SIGLEC15: variants seen among roughly 807,000 people sequenced by gnomAD.
SIGLEC15 encodes sialic acid-binding Ig-like lectin 15.
Under a neutral mutation model 26.2 loss-of-function variants are expected in SIGLEC15, and 31 were observed. That is an observed-to-expected ratio of 1.18 (90% confidence interval 0.89 to 1.60). The LOEUF is 1.60. SIGLEC15 is among the 40% of genes most tolerant of loss of function. The pLI is 0.00. For missense variants in SIGLEC15, 501 were observed against 488.4 expected (o/e 1.03, Z -0.24); for synonymous variants, 207 against 221.9 (o/e 0.93, Z 0.60).
intron 1 of SIGLEC15, among the ~76,000 whole-genome samples, chr18:45,831,560 C>T (rs1053784031): frequency 6.6e-6 from 1 of 152,160 alleles, no homozygotes; most frequent in African/African-American, 2.4e-5. Context: ...CAACTGTATC[C>T]CCAGCACCCA....
Position 45,837,875 on chromosome 18 carries a change from G to C in SIGLEC15, c.475G>C (p.Gly159Arg). The change falls in exon 3 of 6, where the codon GGC becomes CGC. Residue 159 changes from glycine to arginine, a missense_variant. Physicochemically the swap from Gly to Arg is moderately radical, Grantham distance 125. Transcript: ENST00000389474. ...CCATGACCGCTACGAGAGCCGCCAC[G>C]GCGTCCGGCTGCACGTGACAGGCGA... ...DVHDRYESRH[G>R]VRLHVTAAPR... is the part of the protein sequence containing the mutation. The C allele has an allele frequency of 6.5e-7, 1 of 1,530,370 alleles. No homozygotes were observed. Among genetic ancestry groups the C allele is most frequent in the Non-Finnish European group, 8.7e-7 (1 of 1,149,772 alleles). 94.8% of individuals were successfully genotyped at this position (1,530,370 alleles called of 1,614,324 possible).
chr18:45,839,201 T>A, intron 4 of SIGLEC15, 106 bp downstream of exon 4: 1 of 1,314,248 alleles, frequency 7.6e-7, no homozygotes, highest in Non-Finnish European at 9.7e-7. Flanking sequence ...AATGTCGGTT[T>A]TTTTGCCCTA....
intron 1 of SIGLEC15, 65 bp downstream of exon 1, chr18:45,825,845 T>G: frequency 6.3e-7 from 1 of 1,589,376 alleles, no homozygotes; most frequent in South Asian, 1.1e-5. Context: ...GCATCTTAGG[T>G]ACAGTCTCCC....
rs762148417 is a variant in SIGLEC15, at chr18:45,837,060, G to A, written c.84G>A (p.Thr28=). 48 of 1,572,898 alleles carry A rather than the reference G, an allele frequency of 3.1e-5. No individual in the cohort carries two copies. The highest frequency in any genetic ancestry group is 3.5e-5 in the Non-Finnish European group (40 of 1,143,008). ...TTGTGAGAACTAAAATAGATACTAC[G>A]GAGAACTTGCTCAACACAGAGGTGC... ...GSFVRTKIDT[T]ENLLNTEVHS... The change falls in exon 2 of 6, where the codon ACG becomes ACA. Residue 28 remains threonine (T), a synonymous_variant. Transcript: ENST00000389474.
chr18:45,825,809 T>A, intron 1 of SIGLEC15, 29 bp downstream of exon 1: 1 of 1,613,598 alleles, frequency 6.2e-7, no homozygotes, highest in Non-Finnish European at 8.5e-7. Flanking sequence ...CTCTGGCCCA[T>A]GCTCGGGACA....
Position 45,837,648 on chromosome 18 carries a change from C to T in SIGLEC15, c.248C>T (p.Ala83Val). ...GGGCCGCTGACGGCCATCTGGCGCG[C>T]GGGCGAGCCCTATGCGGGCCCGCAG... ...YDGPLTAIWR[A>V]GEPYAGPQVF... The change falls in exon 3 of 6, where the codon GCG becomes GTG. Residue 83 changes from alanine (A) to valine (V), a missense_variant. Transcript: ENST00000389474. 1 of 1,505,354 alleles carries T rather than the reference C, an allele frequency of 6.6e-7. No homozygotes were observed. The highest frequency in any genetic ancestry group is 1.4e-5 in the African/African-American group (1 of 69,180). 93.2% of individuals were successfully genotyped at this position (1,505,354 alleles called of 1,614,324 possible).
chr18:45,835,032 T>C (rs530403085), intron 1 of SIGLEC15, among the ~76,000 whole-genome samples: 141 of 151,810 alleles, frequency 9.3e-4, no homozygotes, highest in African/African-American at 3.4e-3. Context: ...AGAGATAAAA[T>C]GTTAGGTCCT....
At chr18:45,837,310 T>C (rs2048283248) in intron 2 of SIGLEC15, among the ~76,000 whole-genome samples, 1 of 152,150 alleles carries the variant, frequency 6.6e-6, no homozygotes, top group South Asian at 2.1e-4. Flanking sequence ...GTGCAGGCCC[T>C]GGGGGTGCAG....
chr18:45,828,489 C>T (rs1473503339), intron 1 of SIGLEC15, among the ~76,000 whole-genome samples: 1 of 152,110 alleles, frequency 6.6e-6, no homozygotes, highest in East Asian at 1.9e-4. Flanking sequence ...CTCCAACCAC[C>T]CGAGTGACCT....
chr18:45,827,396 G>A (rs1391055997), intron 1 of SIGLEC15, among the ~76,000 whole-genome samples: 1 of 152,208 alleles, frequency 6.6e-6, no homozygotes, highest in Non-Finnish European at 1.5e-5. Context: ...GGCACTGACA[G>A]GGAAGGAGCT....
intron 4 of SIGLEC15, 103 bp downstream of exon 4, chr18:45,839,198 GT>G (rs530219621): frequency 3.8e-6 from 5 of 1,317,294 alleles, no homozygotes; most frequent in South Asian, 2.1e-5. Flanking sequence ...CAGAATGTCG[GT>G]TTTTTTGCCC....
intron 5 of SIGLEC15, among the ~76,000 whole-genome samples, chr18:45,841,709 G>T (rs1332174801): frequency 6.6e-6 from 1 of 152,182 alleles, no homozygotes; most frequent in Non-Finnish European, 1.5e-5. Flanking sequence ...AAGACAAGAG[G>T]AGAAGAGAGT....
In SIGLEC15 at chr18:45,844,040, G is replaced by A. The variant is rs960678819; in HGVS notation, c.*1853G>A. ...GGAATCAGCCTAAGTGTCCATCCAC[G>A]AATGAATGAAGAAAATGAACACACA... is the stretch of plus-strand genomic sequence containing the variant. On this transcript the variant is annotated 3_prime_UTR_variant, in exon 6 of 6. Transcript: ENST00000389474. The A allele has an allele frequency of 1.3e-5, 2 of 151,020 alleles. No individual in the cohort carries two copies. Among genetic ancestry groups the A allele is most frequent in the East Asian group, 3.9e-4 (2 of 5,166 alleles). 9.4% of individuals were successfully genotyped at this position (151,020 alleles called of 1,614,324 possible). A position where few individuals can be genotyped will look rare whatever the true frequency, so the allele number is the denominator to read the frequency against.
At chr18:45,827,954 G>A (rs967745824) in intron 1 of SIGLEC15, among the ~76,000 whole-genome samples, 8 of 152,190 alleles carry the variant, frequency 5.3e-5, no homozygotes, top group Admixed American at 1.3e-4. Context: ...CAAGCCACTC[G>A]CGTGAGCCGA....
chr18:45,828,336 C>G (rs186737414), intron 1 of SIGLEC15, among the ~76,000 whole-genome samples: 1 of 152,228 alleles, frequency 6.6e-6, no homozygotes, highest in African/African-American at 2.4e-5. Flanking sequence ...CCATACTCGA[C>G]ACCCAGTGCC....
At chr18:45,832,080 C>A (rs1308983385) in intron 1 of SIGLEC15, among the ~76,000 whole-genome samples, 1 of 152,234 alleles carries the variant, frequency 6.6e-6, no homozygotes, top group Non-Finnish European at 1.5e-5. Flanking sequence ...TCCCACCACC[C>A]TCTGTTCACA....
At chr18:45,831,154 T>C (rs982828599) in intron 1 of SIGLEC15, among the ~76,000 whole-genome samples, 1 of 152,090 alleles carries the variant, frequency 6.6e-6, no homozygotes, top group Non-Finnish European at 1.5e-5. Context: ...GCAGAATGCC[T>C]CTTGCGGCAG....
At chr18:45,827,222 G>A (rs948467781) in intron 1 of SIGLEC15, among the ~76,000 whole-genome samples, 1 of 152,174 alleles carries the variant, frequency 6.6e-6, no homozygotes, top group African/African-American at 2.4e-5. Context: ...GGCAGAGAAA[G>A]GAACTCTTCC....
chr18:45,837,917 G>C, intron 3 of SIGLEC15, 21 bp downstream of exon 3: 5 of 1,471,722 alleles, frequency 3.4e-6, no homozygotes, highest in Non-Finnish European at 4.5e-6. Flanking sequence ...GTGGGAGCGG[G>C]TCCCCGGCCT....
Sources: allele counts gnomAD v4.1 joint callset (sites outside exome capture counted in the v4.1 genomes callset), GRCh38; gene constraint gnomAD v4.1.1; transcripts MANE v1.5; gene names NCBI Gene and HGNC (gene_info 2026-07-23, HGNC 2026-07-21).